The following ANO4 variants were observed in gnomAD, a reference collection of about 807,000 sequenced individuals.
The protein encoded by ANO4 is anoctamin-4.
A neutral mutation model predicts 141.9 loss-of-function variants in ANO4; 69 were observed. That is an observed-to-expected ratio of 0.49 (90% CI 0.40 to 0.59). The LOEUF is 0.59. Ranked by LOEUF, ANO4 falls within the 20% of genes least tolerant of loss-of-function variation. ANO4 has a pLI of 0.00. For synonymous variants in ANO4, 350 were observed against 394.3 expected (o/e 0.89, Z 1.33); for missense variants, 894 against 1,162.2 (o/e 0.77, Z 3.36).
At chr12:100,925,096 C>T (rs1370719489) in intron 3 of ANO4, among the ~76,000 whole-genome samples, 5 of 151,940 alleles carry the variant, frequency 3.3e-5, no homozygotes, top group Admixed American at 6.6e-5. Context: ...TTGTTGCAAA[C>T]AAGTTTTGTG....
intron 2 of ANO4, chr12:100,733,991 T>C: frequency 1.7e-6 from 1 of 578,144 alleles, no homozygotes; most frequent in Non-Finnish European, 3.1e-6. Flanking sequence ...ATCAGAGCAA[T>C]TGCTTGTGGA....
chr12:101,092,246 C>T (rs1944979191), intron 17 of ANO4, among the ~76,000 whole-genome samples: 1 of 151,856 alleles, frequency 6.6e-6, no homozygotes, highest in Admixed American at 6.6e-5. Flanking sequence ...TAAAAGTACA[C>T]CAGATAATAT....
intron 1 of ANO4, chr12:100,733,659 A>G (rs1220316838): frequency 3.3e-6 from 2 of 603,846 alleles, no homozygotes; most frequent in African/African-American, 3.7e-5. Context: ...GTATGAGACT[A>G]CCCGTGTCAT....
At chr12:100,732,919 T>C (rs745718110) in intron 1 of ANO4, among the ~76,000 whole-genome samples, 30 of 152,320 alleles carry the variant, frequency 2.0e-4, no homozygotes, top group Non-Finnish European at 3.8e-4. Flanking sequence ...GCCTAGAACA[T>C]TTTCTGTTCA....
intron 4 of ANO4, among the ~76,000 whole-genome samples, chr12:100,940,872 G>A (rs4764773): frequency 0.17 from 26,201 of 152,078 alleles, 2,756 homozygotes; most frequent in Middle Eastern, 0.34. Flanking sequence ...CAGCAAGCCC[G>A]AAGAGCCTGG....
intron 3 of ANO4, among the ~76,000 whole-genome samples, chr12:100,770,381 C>T (rs887161577): frequency 6.6e-6 from 1 of 152,174 alleles, no homozygotes; most frequent in African/African-American, 2.4e-5. Context: ...AGTTCAGATT[C>T]TTTCTTCTTC....
chr12:101,051,861 C>T (rs1412444594), intron 14 of ANO4, among the ~76,000 whole-genome samples: 1 of 152,182 alleles, frequency 6.6e-6, no homozygotes. Context: ...GACTGCTATG[C>T]CTGTCCTGAG....
At chr12:100,982,882 C>T (rs924544213) in intron 7 of ANO4, among the ~76,000 whole-genome samples, 1 of 152,188 alleles carries the variant, frequency 6.6e-6, no homozygotes, top group Non-Finnish European at 1.5e-5. Flanking sequence ...CACCAACAAC[C>T]TGTAGTATCT....
intron 1 of ANO4, among the ~76,000 whole-genome samples, chr12:100,807,054 A>C (rs2035100554): frequency 6.6e-6 from 1 of 152,134 alleles, no homozygotes; most frequent in African/African-American, 2.4e-5. Flanking sequence ...ATGCTTCTAC[A>C]ATTTCCTTTT....
At chr12:100,960,212 T>C (rs992284875) in intron 5 of ANO4, among the ~76,000 whole-genome samples, 1 of 151,938 alleles carries the variant, frequency 6.6e-6, no homozygotes, top group African/African-American at 2.4e-5. Context: ...ACAGAAAATG[T>C]TTTCAAATGT....
intron 18 of ANO4, 117 bp downstream of exon 18, chr12:101,094,409 C>A: frequency 2.6e-6 from 2 of 782,680 alleles, no homozygotes; most frequent in Non-Finnish European, 3.8e-6. Context: ...AAAATTCATA[C>A]AACAAGTTTT....
chr12:101,122,428 C>T (rs1158512028), intron 26 of ANO4, among the ~76,000 whole-genome samples: 1 of 152,138 alleles, frequency 6.6e-6, no homozygotes, highest in Non-Finnish European at 1.5e-5. Context: ...GTTGCAATTG[C>T]TTTTCAGGAC....
chr12:100,898,955 G>A (rs545687988), intron 1 of ANO4, among the ~76,000 whole-genome samples: 3 of 152,292 alleles, frequency 2.0e-5, no homozygotes, highest in South Asian at 2.1e-4. Flanking sequence ...TTGTACCTCC[G>A]TGGAAACAGG....
intron 14 of ANO4, chr12:101,068,653 G>C: frequency 7.6e-7 from 1 of 1,322,432 alleles, no homozygotes; most frequent in Non-Finnish European, 1.1e-6. Context: ...CTTTGAGCAA[G>C]AGAATGACTT....
At chr12:101,072,889 A>G (rs1346939185) in intron 14 of ANO4, among the ~76,000 whole-genome samples, 3 of 152,362 alleles carry the variant, frequency 2.0e-5, no homozygotes, top group South Asian at 2.1e-4. Flanking sequence ...ATGAGATATC[A>G]TCTTGCACCA....
chr12:100,921,989 AG>A (rs1220288677), intron 2 of ANO4, among the ~76,000 whole-genome samples: 5 of 152,238 alleles, frequency 3.3e-5, no homozygotes, highest in African/African-American at 1.2e-4. Flanking sequence ...CTTATAAAAA[AG>A]TAGTTGCCTT....
intron 8 of ANO4, among the ~76,000 whole-genome samples, chr12:101,010,892 T>C (rs11613360): frequency 0.085 from 12,977 of 152,280 alleles, 566 homozygotes; most frequent in Middle Eastern, 0.13. Context: ...TTGCTTATTA[T>C]TCTTTTGTTT....
chr12:100,767,074 A>C (rs1382895666), intron 3 of ANO4, among the ~76,000 whole-genome samples: 1 of 152,060 alleles, frequency 6.6e-6, no homozygotes, highest in Non-Finnish European at 1.5e-5. Context: ...TTATACTTTC[A>C]GCTTATGTGT....
At chr12:100,747,011 TG>T (rs1178041156) in intron 3 of ANO4, among the ~76,000 whole-genome samples, 1 of 152,194 alleles carries the variant, frequency 6.6e-6, no homozygotes, top group Admixed American at 6.5e-5. Flanking sequence ...TTCTTAGCTG[TG>T]GGGGTTGTTT....
Sources: gnomAD v4.1 joint callset for allele counts (sites outside exome capture counted in the v4.1 genomes callset) on GRCh38, gnomAD v4.1.1 for gene constraint, MANE v1.5 for transcripts, NCBI Gene and HGNC (gene_info 2026-07-23, HGNC 2026-07-21) for gene names.